Variants in FCRL1 observed in about 807,000 individuals in gnomAD.
The protein encoded by FCRL1 is Fc receptor-like protein 1.
A neutral mutation model predicts 49.2 loss-of-function variants in FCRL1; 34 were observed. The ratio of observed to expected loss-of-function variants is 0.69; its 90% CI spans 0.53 to 0.92. The LOEUF (loss-of-function observed/expected upper bound fraction) is 0.92, where lower values mean the gene tolerates loss of function less well. FCRL1 is among the 40% of genes least tolerant of loss of function. FCRL1 has a pLI of 0.00. For synonymous variants in FCRL1, 218 were observed against 201.6 expected, an observed-to-expected ratio of 1.08 and a Z score of -0.69; for missense variants, 524 against 524.1, an observed-to-expected ratio of 1.00 and a Z score of 0.00.
chr1:157,794,486 G>T lies in FCRL1; in HGVS notation c.*1613C>A, dbSNP rs778944727. On this transcript the variant is annotated 3_prime_UTR_variant, in exon 11 of 11. Transcript: ENST00000368176. Reference sequence around the variant, plus strand: ...CACCCCACAAACTGATTTCCCAGACGTTGTTGGTGAAGATATAAATTGATA... The same window carrying T: ...CACCCCACAAACTGATTTCCCAGACTTTGTTGGTGAAGATATAAATTGATA... The T allele has an allele frequency of 6.6e-6, 1 of 152,104 alleles. No homozygotes were observed. The highest frequency in any genetic ancestry group is 1.5e-5 in the Non-Finnish European group (1 of 68,010). 9.4% of individuals were successfully genotyped at this position (152,104 alleles called of 1,614,324 possible). A position where few individuals can be genotyped will look rare whatever the true frequency, so the allele number is the denominator to read the frequency against.
chr1:157,804,551 C>T (rs755524700), intron 2 of FCRL1, among the ~76,000 whole-genome samples: 1 of 152,142 alleles, frequency 6.6e-6, no homozygotes, highest in Non-Finnish European at 1.5e-5. Context: ...TTCCCTTTCC[C>T]CTGGCATCTC....
intron 1 of FCRL1, 98 bp from the exon 2 acceptor site, chr1:157,807,220 A>AT: frequency 7.8e-7 from 1 of 1,274,950 alleles, no homozygotes; most frequent in Non-Finnish European, 1.1e-6. Flanking sequence ...CACACCCTCC[A>AT]TCCCCTGGAC....
intron 2 of FCRL1, among the ~76,000 whole-genome samples, chr1:157,804,501 T>C (rs1653082660): frequency 2.0e-5 from 3 of 152,224 alleles, no homozygotes; most frequent in African/African-American, 7.2e-5. Flanking sequence ...GTGAATATGC[T>C]TCTTTTATCC....
intron 7 of FCRL1, among the ~76,000 whole-genome samples, chr1:157,799,575 T>C (rs28617706): frequency 0.017 from 2,551 of 152,196 alleles, 62 homozygotes; most frequent in African/African-American, 0.057. Context: ...CTTGTGATTT[T>C]TGTACATTGA....
intron 1 of FCRL1, among the ~76,000 whole-genome samples, chr1:157,809,813 A>G (rs1654042441): frequency 6.6e-6 from 1 of 152,090 alleles, no homozygotes; most frequent in African/African-American, 2.4e-5. Context: ...GGTTCCAGCT[A>G]CTCAGGGAGC....
Position 157,795,824 on chromosome 1 carries a change from C to T in FCRL1, c.*275G>A, listed in dbSNP as rs574445160. The T allele has an allele frequency of 1.8e-5, 6 of 333,724 alleles. No homozygotes were observed. The South Asian group carries it at 4.0e-4, about 22-fold the overall frequency. The allele number at this position is 333,724 out of a possible 1,614,324, so 20.7% of individuals were successfully genotyped here. ...ATTCCATCTTGTTTCCTCTTGTAAA[C>T]AGAAGAGCACAATATGACCTGTTTT... On this transcript the variant is annotated 3_prime_UTR_variant, in exon 11 of 11. Transcript: ENST00000368176.
chr1:157,809,588 A>G lies in FCRL1; in HGVS notation c.32-2466T>C, dbSNP rs535540821. ...CTCAGCCTCCTAAGTAGCTGGGATTACAGGCATGTGCCAGCCACCACACCC... is the reference window on the plus strand; with the variant it reads ...CTCAGCCTCCTAAGTAGCTGGGATTGCAGGCATGTGCCAGCCACCACACCC... On this transcript the variant is annotated intron_variant, in intron 1 of 10. Transcript: ENST00000368176. Among the ~76,000 whole-genome samples, 34 of 152,248 alleles carry G rather than the reference A, an allele frequency of 2.2e-4. No individual in the cohort carries two copies. The East Asian group carries it at 6.0e-3, about 27-fold the overall frequency.
chr1:157,820,027 CTCGG>C lies in FCRL1; in HGVS notation c.7_10del (p.Pro3GlyfsTer5). The C allele has an allele frequency of 6.2e-7, 1 of 1,614,108 alleles. No individual in the cohort carries two copies. The highest frequency in any genetic ancestry group is 8.5e-7 in the Non-Finnish European group (1 of 1,180,016). On this transcript the variant is annotated frameshift_variant, in exon 1 of 11. Coordinates refer to ENST00000368176, the MANE Select transcript of FCRL1 (RefSeq NM_052938.5). LOFTEE classifies it high-confidence loss of function. ...CTCACCACAGATCAACAGCAACAGCCTCGGCAGCATGAGGACCAGGTCAGGGATG... is the reference window on the plus strand; with the variant it reads ...CTCACCACAGATCAACAGCAACAGCCCAGCATGAGGACCAGGTCAGGGATG...
Position 157,807,018 on chromosome 1 carries a change from A to T in FCRL1, c.52+84T>A, listed in dbSNP as rs934406363. ...TGTTTTGGGCAGGAAGGGGCTGCTAAGACAGCAATCTGCAGGCCTCCTGTG... is the reference window on the plus strand; with the variant it reads ...TGTTTTGGGCAGGAAGGGGCTGCTATGACAGCAATCTGCAGGCCTCCTGTG... On this transcript the variant is annotated intron_variant, in intron 2 of 10. Transcript: ENST00000368176. The T allele has an allele frequency of 1.7e-5, 25 of 1,505,178 alleles. No individual in the cohort carries two copies. In the Admixed American group the frequency reaches 4.3e-4, roughly 26 times the overall value. The allele number at this position is 1,505,178 out of a possible 1,614,324, so 93.2% of individuals were successfully genotyped here.
At chr1:157,801,048 C>T (rs924225333) in intron 6 of FCRL1, among the ~76,000 whole-genome samples, 3 of 152,062 alleles carry the variant, frequency 2.0e-5, no homozygotes, top group Admixed American at 1.3e-4. Context: ...TGCATCACCA[C>T]GCCCAGCTAA....
intron 1 of FCRL1, among the ~76,000 whole-genome samples, chr1:157,810,925 C>T (rs1448479900): frequency 6.6e-6 from 1 of 152,024 alleles, no homozygotes; most frequent in Non-Finnish European, 1.5e-5. Context: ...CAGGCATGTG[C>T]CACAATGCCA....
In FCRL1 at chr1:157,802,740, C is replaced by T; in HGVS notation, c.320-76G>A. On this transcript the variant is annotated intron_variant, in intron 3 of 10. Coordinates refer to ENST00000368176, the MANE Select transcript of FCRL1 (RefSeq NM_052938.5). ...AAGACAGTAAGTAGATATGACGGTC[C>T]TGAAAGCAAAGAGCATGAGTGAAGT... 2.1e-6 allele frequency: 3 copies of T among 1,451,686 alleles called. No individual in the cohort carries two copies. The South Asian group carries it at 4.1e-5, about 20-fold the overall frequency. 89.9% of individuals were successfully genotyped at this position (1,451,686 alleles called of 1,614,324 possible).
rs200980091 is a variant in FCRL1, at chr1:157,798,193, G to A, written c.1082C>T (p.Thr361Ile). ...ATATATAGGCTGTAGCTGCCCTGGGGTAGGTGAGTTGAGGTAGGTGAACTC... is the reference window on the plus strand; with the variant it reads ...ATATATAGGCTGTAGCTGCCCTGGGATAGGTGAGTTGAGGTAGGTGAACTC... Reference protein sequence around the residue: ...PQEFTYLNSPTPGQLQPIYEN... With the variant: ...PQEFTYLNSPIPGQLQPIYEN... Residue 361 changes from threonine (T) to isoleucine (I), a missense_variant, in exon 8 of 11, where the codon ACC (threonine) becomes ATC (isoleucine). Physicochemically the swap from Thr to Ile is moderately conservative, Grantham distance 89. Transcript: ENST00000368176. 3 of 1,613,426 alleles carry A rather than the reference G, an allele frequency of 1.9e-6. No individual in the cohort carries two copies. Among genetic ancestry groups the A allele is most frequent in the African/African-American group, 1.3e-5 (1 of 75,030 alleles).
chr1:157,806,862 A>G (rs1653540971), intron 2 of FCRL1: 1 of 420,818 alleles, frequency 2.4e-6, no homozygotes, highest in Non-Finnish European at 4.3e-6. Flanking sequence ...GTTCTTGAGA[A>G]GGTCAGAGCA....
chr1:157,809,793 A>T (rs1057149588), intron 1 of FCRL1, among the ~76,000 whole-genome samples: 1 of 152,128 alleles, frequency 6.6e-6, no homozygotes, highest in African/African-American at 2.4e-5. Context: ...GTGTGGTTGC[A>T]TGTGTCTCTG....
At chr1:157,819,983 C>T (rs1655571300) in intron 1 of FCRL1, 24 bp downstream of exon 1, 1 of 1,613,858 alleles carries the variant, frequency 6.2e-7, no homozygotes, top group Non-Finnish European at 8.5e-7. Flanking sequence ...CATCCCATGC[C>T]CTGCTCTGAG....
intron 8 of FCRL1, 82 bp downstream of exon 8, chr1:157,798,079 G>A: frequency 6.6e-7 from 1 of 1,525,366 alleles, no homozygotes; most frequent in African/African-American, 1.4e-5. Flanking sequence ...GCAAAGTCAG[G>A]TTTGGCTAGC....
chr1:157,808,844 T>C (rs7538531), intron 1 of FCRL1, among the ~76,000 whole-genome samples: 73,765 of 151,966 alleles, frequency 0.49, 19,210 homozygotes, highest in African/African-American at 0.69. Context: ...GAATTGCTTA[T>C]GGATTAAATA....
rs533592414 is a variant in FCRL1, at chr1:157,801,935, G to A, written c.866C>T (p.Ala289Val). 1.3e-4 allele frequency: 204 copies of A among 1,613,784 alleles called. 2 individuals are homozygous for A. The South Asian group carries it at 1.8e-3, about 14-fold the overall frequency. The change falls in exon 5 of 11, where the codon GCG becomes GTG. Residue 289 changes from alanine (A) to valine (V), a missense_variant. Transcript: ENST00000368176. ...TATACCTGTGAAGTTGAGTGTCACC[G>A]CCTCACTGCGCTGGGCCCCCAGGCC... is the stretch of plus-strand genomic sequence containing the variant. ...NNGLGAQRSE[A>V]VTLNFTVPTG...
Sources: allele counts gnomAD v4.1 joint callset (sites outside exome capture counted in the v4.1 genomes callset), GRCh38; gene constraint gnomAD v4.1.1; transcripts MANE v1.5; gene names NCBI Gene and HGNC (gene_info 2026-07-23, HGNC 2026-07-21).